LYRM4: variants seen among roughly 807,000 people sequenced by gnomAD.
LYRM4 encodes the protein LYR motif containing 4.
A neutral mutation model predicts 11.7 loss-of-function variants in LYRM4; 9 were observed. The observed-to-expected ratio is 0.77, with a 90% CI of 0.46 to 1.34. The LOEUF is 1.34. Among genes scored for constraint, LYRM4 ranks in the 40% most tolerant of loss-of-function variants. The pLI is 0.00. For missense variants in LYRM4, 133 were observed against 112.5 expected (o/e 1.18, Z -0.82); for synonymous variants, 42 against 40.4 (o/e 1.04, Z -0.15).
At chr6:5,037,216 C>G in the LYRM4 span, among the ~76,000 whole-genome samples, 2 of 23,576 alleles carry the variant, frequency 8.5e-5, no homozygotes, top group African/African-American at 1.2e-4. Context: ...TGACTCTTAA[C>G]GAGCATGCTG....
chr6:5,136,216 T>C, intron 2 of LYRM4: 1 of 913,644 alleles, frequency 1.1e-6, no homozygotes, highest in Non-Finnish European at 1.3e-6. Context: ...AGTATCCTTT[T>C]GAGTCCCTGC....
intron 1 of LYRM4, among the ~76,000 whole-genome samples, chr6:5,250,978 G>A (rs924410011): frequency 6.6e-6 from 1 of 152,270 alleles, no homozygotes; most frequent in Middle Eastern, 3.4e-3. Context: ...ATTATGCAAG[G>A]TGTCTCCTCA....
intron 2 of LYRM4, among the ~76,000 whole-genome samples, chr6:5,194,439 T>A (rs1367379616): frequency 2.0e-5 from 3 of 152,126 alleles, no homozygotes; most frequent in African/African-American, 7.2e-5. Context: ...TTCCTAAGTC[T>A]GTAATTTCTC....
intron 1 of LYRM4, among the ~76,000 whole-genome samples, chr6:5,221,226 CATAAG>C (rs1762560663): frequency 6.6e-6 from 1 of 152,202 alleles, no homozygotes; most frequent in Non-Finnish European, 1.5e-5. Flanking sequence ...TTTTCTTATT[CATAAG>C]ATCTCTGCCA....
chr6:5,170,382 T>C (rs1759355873), intron 2 of LYRM4, among the ~76,000 whole-genome samples: 1 of 152,148 alleles, frequency 6.6e-6, no homozygotes, highest in Admixed American at 6.5e-5. Flanking sequence ...TATATATATA[T>C]GCATTTTTCA....
chr6:5,045,966 C>T, the LYRM4 span, among the ~76,000 whole-genome samples: 1 of 152,124 alleles, frequency 6.6e-6, no homozygotes, highest in African/African-American at 2.4e-5. Flanking sequence ...GCTTAGTGGG[C>T]TTTGCAGTGG....
At chr6:5,194,729 T>C (rs572826504) in intron 2 of LYRM4, among the ~76,000 whole-genome samples, 1 of 152,290 alleles carries the variant, frequency 6.6e-6, no homozygotes, top group African/African-American at 2.4e-5. Flanking sequence ...ACTGTGAATT[T>C]TATTTTATTT....
the LYRM4 span, chr6:5,067,010 G>T: frequency 1.5e-6 from 1 of 686,610 alleles, no homozygotes; most frequent in Non-Finnish European, 2.1e-6. Flanking sequence ...CCGCTCCAAG[G>T]ATTACCGGGG....
rs370258962 is a variant in LYRM4, at chr6:5,108,642, T to G, written c.*781A>C. On this transcript the variant is annotated 3_prime_UTR_variant, in exon 3 of 3. Coordinates refer to ENST00000330636, the MANE Select transcript of LYRM4 (RefSeq NM_020408.6). ...AGGTGCTTCTGTCCACCAGCCAGAT[T>G]TGGGCACCGGTGCTGCCCAGCATGC... 1.7e-4 allele frequency: 80 copies of G among 458,332 alleles called. No homozygotes were observed. The highest frequency in any genetic ancestry group is 1.5e-3 in the African/African-American group (70 of 47,146). 28.4% of individuals were successfully genotyped at this position (458,332 alleles called of 1,614,324 possible).
At chr6:5,202,417 G>A (rs1267399428) in intron 2 of LYRM4, among the ~76,000 whole-genome samples, 1 of 152,118 alleles carries the variant, frequency 6.6e-6, no homozygotes, top group Non-Finnish European at 1.5e-5. Flanking sequence ...CAACTTCCAG[G>A]GGCAGCCTGA....
At chr6:5,109,524 C>G (rs143735114) in intron 2 of LYRM4, 33 bp from the exon 3 acceptor site, 90 of 1,598,962 alleles carry the variant, frequency 5.6e-5, no homozygotes, top group Non-Finnish European at 7.1e-5. Flanking sequence ...GGTCAGGAAC[C>G]GTGGCCCTCT....
chr6:5,193,385 A>G (rs1309632235), intron 2 of LYRM4, among the ~76,000 whole-genome samples: 1 of 152,174 alleles, frequency 6.6e-6, no homozygotes, highest in Admixed American at 6.5e-5. Context: ...CTAGTCATCC[A>G]GTTGAAGAAA....
the LYRM4 span, among the ~76,000 whole-genome samples, chr6:5,049,044 T>C: frequency 1.3e-5 from 2 of 151,900 alleles, no homozygotes; most frequent in Non-Finnish European, 2.9e-5. Context: ...GTAAGAAAGA[T>C]TTGGGAGGAG....
downstream of LYRM4, chr6:5,104,657 GAT>G (rs1372839258): frequency 6.6e-6 from 1 of 152,192 alleles, no homozygotes; most frequent in Non-Finnish European, 1.5e-5. Flanking sequence ...TTGAAGAAAA[GAT>G]AAATTCATCG....
chr6:5,146,153 C>T (rs1757710499), intron 2 of LYRM4, among the ~76,000 whole-genome samples: 1 of 152,170 alleles, frequency 6.6e-6, no homozygotes, highest in African/African-American at 2.4e-5. Flanking sequence ...TCTCATCCAC[C>T]ACACATCACA....
chr6:5,175,171 G>A (rs757506736), intron 2 of LYRM4, among the ~76,000 whole-genome samples: 1 of 152,140 alleles, frequency 6.6e-6, no homozygotes, highest in Non-Finnish European at 1.5e-5. Flanking sequence ...ATGAGTTCTG[G>A]GTCTTTCAAA....
chr6:5,136,702 C>T, intron 2 of LYRM4: 7 of 985,410 alleles, frequency 7.1e-6, no homozygotes, highest in Non-Finnish European at 7.2e-6. Flanking sequence ...TAGCCACAGT[C>T]TGTGGTAATG....
intron 2 of LYRM4, among the ~76,000 whole-genome samples, chr6:5,140,492 A>C (rs1254461933): frequency 1.3e-5 from 2 of 152,202 alleles, no homozygotes; most frequent in Non-Finnish European, 2.9e-5. Context: ...TGTGGCGTTG[A>C]AGGACACCAA....
intron 2 of LYRM4, among the ~76,000 whole-genome samples, chr6:5,203,796 A>G (rs1581499464): frequency 6.6e-6 from 1 of 152,158 alleles, no homozygotes; most frequent in East Asian, 1.9e-4. Context: ...GCGGCTGGAG[A>G]GCAGAAGCAC....
Sources: allele counts gnomAD v4.1 joint callset (sites outside exome capture counted in the v4.1 genomes callset), GRCh38; gene constraint gnomAD v4.1.1; transcripts MANE v1.5; gene names NCBI Gene and HGNC (gene_info 2026-07-23, HGNC 2026-07-21).